The following ACP7 variants were observed in gnomAD, a reference collection of about 807,000 sequenced individuals.
ACP7 encodes acid phosphatase type 7.
ACP7 carries 58 observed loss-of-function variants against 60.6 expected under a neutral mutation model. That is an observed-to-expected ratio of 0.96 (90% CI 0.77 to 1.19). ACP7 has a LOEUF of 1.19. ACP7 is among the 50% of genes most tolerant of loss of function. ACP7 has a pLI of 0.00. For synonymous variants in ACP7, 237 were observed against 232.6 expected (o/e 1.02, Z -0.17); for missense variants, 574 against 596.2 (o/e 0.96, Z 0.39).
rs2073434523 is a variant in ACP7, at chr19:39,108,366, C to T, written c.1251+1282C>T. Among the ~76,000 whole-genome samples the T allele has an allele frequency of 1.3e-5, 2 of 151,944 alleles. 1 individual carries two copies. The highest frequency in any genetic ancestry group is 4.2e-4 in the South Asian group (2 of 4,800). On this transcript the variant is annotated intron_variant, in intron 12 of 12. Transcript: ENST00000331256. ...GTGTTGGCCAGAATGGTCTCGAACT[C>T]CTGACATCAGGTGATCTGCCTGCCT...
intron 11 of ACP7, among the ~76,000 whole-genome samples, chr19:39,101,917 CA>C (rs1230914212): frequency 3.1e-5 from 3 of 97,642 alleles, no homozygotes; most frequent in Admixed American, 1.1e-4. Flanking sequence ...ACCAGCCTGG[CA>C]AATACAGCAA....
chr19:39,087,744 C>G (rs556271140), intron 2 of ACP7, among the ~76,000 whole-genome samples: 66 of 151,864 alleles, frequency 4.3e-4, no homozygotes, highest in African/African-American at 1.5e-3. Flanking sequence ...AGCGATTCTC[C>G]TGCTTCAGCC....
At chr19:39,101,117 C>CG in intron 8 of ACP7, 33 bp from the exon 9 acceptor site, 1 of 1,613,892 alleles carries the variant, frequency 6.2e-7, no homozygotes, top group Non-Finnish European at 8.5e-7. Context: ...CGTCAGTCTG[C>CG]GTCACCCTCA....
intron 2 of ACP7, among the ~76,000 whole-genome samples, chr19:39,098,253 C>CAAAAAAAAAAAAAAAA (rs59373149): frequency 2.2e-4 from 14 of 64,974 alleles, no homozygotes; most frequent in Non-Finnish European, 2.4e-4. Context: ...GACCCTGACT[C>CAAAAAAAAAAAAAAAA]AAAAAAAAAA....
At position 39,099,468 on chromosome 19, in the gene ACP7, C is replaced by T. The variant is rs928152578; in HGVS notation, c.505+326C>T. ...ATGACTACGTTAGTTCGCTTTGCCT[C>T]GCAGGGTGCAGGTGCACTTCGGTGT... On this transcript the variant is annotated intron_variant, in intron 4 of 12. Transcript: ENST00000331256. Among the ~76,000 whole-genome samples the T allele has an allele frequency of 3.9e-5, 6 of 152,080 alleles. No homozygotes were observed. In the South Asian group the frequency reaches 8.3e-4, roughly 21 times the overall value.
chr19:39,101,739 G>A (rs889304362), intron 11 of ACP7, among the ~76,000 whole-genome samples: 8 of 151,994 alleles, frequency 5.3e-5, no homozygotes, highest in Admixed American at 4.6e-4. Context: ...GCTCAAAGTC[G>A]CAGGTCAAAT....
intron 2 of ACP7, among the ~76,000 whole-genome samples, chr19:39,090,785 C>A (rs1045019340): frequency 7.1e-5 from 10 of 140,522 alleles, no homozygotes; most frequent in African/African-American, 2.3e-4. Context: ...CCAGCCTTCC[C>A]ACTTCTTTTT....
At chr19:39,104,306 CT>C (rs1485801987) in intron 11 of ACP7, among the ~76,000 whole-genome samples, 4 of 151,280 alleles carry the variant, frequency 2.6e-5, no homozygotes, top group African/African-American at 9.7e-5. Context: ...GTATTGCTTA[CT>C]TAAAAAAAAA....
At chr19:39,094,694 G>A (rs1414742151) in intron 2 of ACP7, among the ~76,000 whole-genome samples, 2 of 151,940 alleles carry the variant, frequency 1.3e-5, no homozygotes, top group African/African-American at 4.8e-5. Flanking sequence ...GGGCATGCTG[G>A]TTCATGCCTG....
intron 2 of ACP7, among the ~76,000 whole-genome samples, chr19:39,097,017 G>T (rs62119549): frequency 0.16 from 24,999 of 152,100 alleles, 2,381 homozygotes; most frequent in East Asian, 0.3. Context: ...GGCCAGGATG[G>T]TCTCGATCTC....
At chr19:39,103,445 T>TTTTTTG (rs2073378572) in intron 11 of ACP7, among the ~76,000 whole-genome samples, 1 of 44,748 alleles carries the variant, frequency 2.2e-5, no homozygotes, top group Non-Finnish European at 6.3e-5. Flanking sequence ...TCATGTGTTT[T>TTTTTTG]TTTTTTTTTT....
At chr19:39,091,927 A>T (rs923732152) in intron 2 of ACP7, among the ~76,000 whole-genome samples, 5 of 147,450 alleles carry the variant, frequency 3.4e-5, no homozygotes, top group Non-Finnish European at 5.9e-5. Context: ...ATAAAAAAAT[A>T]AAAAAATTGA....
At chr19:39,105,608 C>G (rs577285588) in intron 11 of ACP7, among the ~76,000 whole-genome samples, 18 of 152,174 alleles carry the variant, frequency 1.2e-4, no homozygotes, top group African/African-American at 4.3e-4. Context: ...ACAGCCTGGA[C>G]CTCCCAGGCT....
intron 11 of ACP7, among the ~76,000 whole-genome samples, chr19:39,102,715 T>TTAC (rs1555769415): frequency 0.044 from 5,196 of 118,632 alleles, 192 homozygotes; most frequent in South Asian, 0.086. Context: ...CAATGAAGAC[T>TTAC]TTTCTTTCTT....
At chr19:39,097,170 A>T (rs1214691415) in intron 2 of ACP7, among the ~76,000 whole-genome samples, 1 of 152,130 alleles carries the variant, frequency 6.6e-6, no homozygotes, top group Non-Finnish European at 1.5e-5. Flanking sequence ...AACCCCTGAT[A>T]AACTCATCAG....
At chr19:39,100,046 C>T (rs1348348499) in intron 4 of ACP7, among the ~76,000 whole-genome samples, 181 bp from the exon 5 acceptor site, 1 of 149,172 alleles carries the variant, frequency 6.7e-6, no homozygotes, top group Non-Finnish European at 1.5e-5. Flanking sequence ...CAGTGGCTCA[C>T]ACCTGTAATT....
intron 2 of ACP7, among the ~76,000 whole-genome samples, chr19:39,086,505 G>A (rs751017871): frequency 6.7e-6 from 1 of 149,634 alleles, no homozygotes; most frequent in South Asian, 2.1e-4. Flanking sequence ...GGTGGCTCAC[G>A]CCTGGTCTCA....
Position 39,110,066 on chromosome 19 carries a change from T to C in ACP7, c.1265T>C (p.Val422Ala), listed in dbSNP as rs1187346312. ...TGTCCCTCACAGGATGGGAAGATCG[T>C]AGATGATGTCTGGGTGGTGAGACCC... The part of the protein sequence containing the change: ...QVSDDQDGKI[V>A]DDVWVVRPLF... The change falls in exon 13 of 13, where the codon GTA (valine) becomes GCA (alanine). Residue 422 changes from valine (V) to alanine (A), a missense_variant. Val to Ala is a moderately conservative substitution (Grantham distance 64, BLOSUM62 0). Transcript: ENST00000331256. 2.5e-6 allele frequency: 4 copies of C among 1,613,718 alleles called. No homozygotes were observed. The African/African-American group carries it at 4.0e-5, about 16-fold the overall frequency.
intron 7 of ACP7, 25 bp downstream of exon 7, chr19:39,100,878 G>T: frequency 6.2e-7 from 1 of 1,611,584 alleles, no homozygotes. Context: ...GGCCCCTATA[G>T]TCCCCTGGCC....
Sources: allele counts gnomAD v4.1 joint callset (sites outside exome capture counted in the v4.1 genomes callset), GRCh38; gene constraint gnomAD v4.1.1; transcripts MANE v1.5; gene names NCBI Gene and HGNC (gene_info 2026-07-23, HGNC 2026-07-21).